GALNT7: variants seen among roughly 807,000 people sequenced by gnomAD.
The protein encoded by GALNT7 is polypeptide N-acetylgalactosaminyltransferase 7.
In GALNT7, 60 loss-of-function variants were observed where a neutral mutation model predicts 82.1. The observed-to-expected ratio is 0.73, with a 90% CI of 0.59 to 0.91. GALNT7 has a LOEUF of 0.91. Among genes scored for constraint, GALNT7 ranks in the 40% least tolerant of loss-of-function variants. The probability of loss-of-function intolerance (pLI) is 0.00; values close to 1 mark genes in which losing one functional copy is unlikely to be tolerated. For synonymous variants in GALNT7, 243 were observed against 275.1 expected, an observed-to-expected ratio of 0.88 and a Z score of 1.15; for missense variants, 660 against 804.2, an observed-to-expected ratio of 0.82 and a Z score of 2.17.
At chr4:173,286,803 C>T (rs1405591397) in intron 2 of GALNT7, among the ~76,000 whole-genome samples, 1 of 152,176 alleles carries the variant, frequency 6.6e-6, no homozygotes, top group Non-Finnish European at 1.5e-5. Context: ...GCCTAAGAAT[C>T]CCCTCAACTG....
At chr4:173,286,409 G>A (rs945020584) in intron 2 of GALNT7, among the ~76,000 whole-genome samples, 51 of 152,336 alleles carry the variant, frequency 3.3e-4, no homozygotes, top group African/African-American at 1.2e-3. Flanking sequence ...TGTATGGGTT[G>A]TAAACAGTTG....
intron 2 of GALNT7, among the ~76,000 whole-genome samples, chr4:173,287,181 T>G (rs1736356178): frequency 1.3e-5 from 2 of 152,246 alleles, no homozygotes; most frequent in African/African-American, 4.8e-5. Context: ...CATGGAAAGC[T>G]TGGAAGAGTT....
chr4:173,228,169 TAAC>T (rs1733898405), intron 1 of GALNT7, among the ~76,000 whole-genome samples: 1 of 151,340 alleles, frequency 6.6e-6, no homozygotes, highest in Non-Finnish European at 1.5e-5. Flanking sequence ...ACAGGAAGCT[TAAC>T]AATTTTTTGA....
At chr4:173,261,615 G>C (rs1020152452) in intron 2 of GALNT7, among the ~76,000 whole-genome samples, 1 of 152,018 alleles carries the variant, frequency 6.6e-6, no homozygotes, top group Non-Finnish European at 1.5e-5. Flanking sequence ...CCAGGAGTTC[G>C]AGACCAGCCT....
rs1188022796 is a variant in GALNT7 at position 173,184,536 on chromosome 4, G to A, written c.126+15575G>A. Among the ~76,000 whole-genome samples the A allele has an allele frequency of 2.0e-5, 3 of 150,140 alleles. No individual in the cohort carries two copies. In the East Asian group the frequency reaches 6.0e-4, roughly 30 times the overall value. On this transcript the variant is annotated intron_variant, in intron 1 of 11. Transcript: ENST00000265000. ...TCAGGCAGGGAGATTGCAGTGGGTCGAGATGGCGGCAGTACAGTCCAGCCT... is the reference window on the plus strand; with the variant it reads ...TCAGGCAGGGAGATTGCAGTGGGTCAAGATGGCGGCAGTACAGTCCAGCCT...
intron 1 of GALNT7, among the ~76,000 whole-genome samples, chr4:173,207,571 G>C (rs1451447785): frequency 6.6e-6 from 1 of 152,058 alleles, no homozygotes; most frequent in Non-Finnish European, 1.5e-5. Context: ...TCACCTCTCT[G>C]ATGTTGTAAA....
At chr4:173,268,788 C>T (rs1041724041) in intron 2 of GALNT7, among the ~76,000 whole-genome samples, 3 of 151,638 alleles carry the variant, frequency 2.0e-5, no homozygotes, top group Non-Finnish European at 4.4e-5. Flanking sequence ...ATCCGCCCTT[C>T]TTGGCCTCCC....
chr4:173,180,848 T>C (rs1248527511), intron 1 of GALNT7, among the ~76,000 whole-genome samples: 2 of 152,240 alleles, frequency 1.3e-5, no homozygotes, highest in South Asian at 4.1e-4. Flanking sequence ...AATTTGATCA[T>C]TGTGTTTCTT....
At chr4:173,209,210 C>T (rs1292454796) in intron 1 of GALNT7, among the ~76,000 whole-genome samples, 3 of 152,198 alleles carry the variant, frequency 2.0e-5, no homozygotes, top group Non-Finnish European at 2.9e-5. Context: ...CCACCATCCC[C>T]CGACATCATT....
At chr4:173,313,153 A>G (rs1262869304) in intron 8 of GALNT7, among the ~76,000 whole-genome samples, 1 of 152,224 alleles carries the variant, frequency 6.6e-6, no homozygotes. Flanking sequence ...TATTATAGTT[A>G]TAACAGGATC....
intron 1 of GALNT7, among the ~76,000 whole-genome samples, chr4:173,232,263 C>T (rs1237563226): frequency 6.6e-6 from 1 of 151,364 alleles, no homozygotes; most frequent in Non-Finnish European, 1.5e-5. Context: ...GGGAGACTTT[C>T]AGTCTCTTAA....
intron 1 of GALNT7, among the ~76,000 whole-genome samples, chr4:173,239,250 A>C (rs1341662067): frequency 1.3e-5 from 2 of 152,238 alleles, no homozygotes; most frequent in African/African-American, 4.8e-5. Flanking sequence ...TTGGATTCCC[A>C]AAATGCTAGC....
chr4:173,294,720 T>C (rs1013827134), intron 3 of GALNT7, among the ~76,000 whole-genome samples: 1 of 152,196 alleles, frequency 6.6e-6, no homozygotes, highest in Non-Finnish European at 1.5e-5. Context: ...TTTTGCCAAA[T>C]GTGTCTGGTT....
At chr4:173,225,709 T>G (rs1579929573) in intron 1 of GALNT7, among the ~76,000 whole-genome samples, 1 of 152,140 alleles carries the variant, frequency 6.6e-6, no homozygotes, top group Non-Finnish European at 1.5e-5. Flanking sequence ...AAAACACAAG[T>G]TTTATCTTTG....
rs145085680 is a variant in GALNT7, at chr4:173,234,842, C to T, written c.127-13138C>T. 2.2e-3 allele frequency among the ~76,000 whole-genome samples: 339 copies of T among 152,300 alleles called. 1 individual carries two copies. The highest frequency in any genetic ancestry group is 7.7e-3 in the African/African-American group (320 of 41,556). Reference sequence around the variant, plus strand: ...AACAAAAAAAAACTGGCACCTCCTTCTCTCTGTATCTTGCTCCCTGTCTCG... The same window carrying T: ...AACAAAAAAAAACTGGCACCTCCTTTTCTCTGTATCTTGCTCCCTGTCTCG... On this transcript the variant is annotated intron_variant, in intron 1 of 11. Transcript: ENST00000265000.
intron 9 of GALNT7, chr4:173,316,828 T>C (rs1241456911): frequency 1.3e-5 from 2 of 152,294 alleles, no homozygotes; most frequent in African/African-American, 2.4e-5. Flanking sequence ...GGGCAGTCTT[T>C]GGAGCTCCTC....
At chr4:173,274,332 A>G (rs1366021971) in intron 2 of GALNT7, among the ~76,000 whole-genome samples, 1 of 152,238 alleles carries the variant, frequency 6.6e-6, no homozygotes, top group Non-Finnish European at 1.5e-5. Flanking sequence ...CTTTAAAATT[A>G]AACTGACATT....
intron 2 of GALNT7, among the ~76,000 whole-genome samples, chr4:173,284,603 ACTGAAGTTTAATTTTGGGAAGC>A (rs897625758): frequency 5.3e-5 from 8 of 152,176 alleles, no homozygotes; most frequent in African/African-American, 1.9e-4. Flanking sequence ...CAACCTTGAG[ACTGAAGTTTAATTTTGGGAAGC>A]CTGTGAAATA....
chr4:173,217,532 A>G (rs1474425143), intron 1 of GALNT7, among the ~76,000 whole-genome samples: 1 of 152,204 alleles, frequency 6.6e-6, no homozygotes, highest in Non-Finnish European at 1.5e-5. Context: ...TGCATTTTAA[A>G]ACAATTTTCT....
Sources: gnomAD v4.1 joint callset for allele counts (sites outside exome capture counted in the v4.1 genomes callset) on GRCh38, gnomAD v4.1.1 for gene constraint, MANE v1.5 for transcripts, NCBI Gene and HGNC (gene_info 2026-07-23, HGNC 2026-07-21) for gene names.